ERBB4: variants seen among roughly 807,000 people sequenced by gnomAD.
ERBB4 encodes the protein erb-b2 receptor tyrosine kinase 4.
In ERBB4, 42 loss-of-function variants were observed where a neutral mutation model predicts 158.0. The observed-to-expected ratio is 0.27, with a 90% confidence interval of 0.21 to 0.34. The LOEUF is 0.34. ERBB4 is among the 10% of genes least tolerant of loss of function. ERBB4 has a pLI of 1.00. For synonymous variants in ERBB4, 583 were observed against 558.7 expected (o/e 1.04, Z -0.61); for missense variants, 1,333 against 1,624.1 (o/e 0.82, Z 3.08).
intron 19 of ERBB4, among the ~76,000 whole-genome samples, chr2:211,582,060 G>A (rs149467922): frequency 5.3e-4 from 80 of 152,142 alleles, no homozygotes; most frequent in African/African-American, 1.8e-3. Flanking sequence ...GCCCATTGCT[G>A]TGTTTGCACA....
intron 3 of ERBB4, among the ~76,000 whole-genome samples, chr2:211,793,404 A>G (rs2076318650): frequency 6.6e-6 from 1 of 151,944 alleles, no homozygotes. Context: ...AAAATAATAA[A>G]GATTAGAAAT....
At chr2:211,403,997 T>C (rs2063096682) in intron 25 of ERBB4, among the ~76,000 whole-genome samples, 2 of 152,244 alleles carry the variant, frequency 1.3e-5, no homozygotes, top group South Asian at 2.1e-4. Context: ...GAACCTAGCA[T>C]ACTCAGTTGA....
intron 19 of ERBB4, among the ~76,000 whole-genome samples, chr2:211,580,866 CATAT>C (rs56892079): frequency 1.2e-3 from 77 of 64,090 alleles, no homozygotes; most frequent in Non-Finnish European, 1.5e-3. Flanking sequence ...TATGCATATA[CATAT>C]ATATATATAT....
intron 2 of ERBB4, among the ~76,000 whole-genome samples, chr2:211,976,841 T>C (rs780088477): frequency 2.0e-5 from 3 of 152,154 alleles, no homozygotes. Flanking sequence ...AAATAAATTA[T>C]GTATATATGA....
intron 1 of ERBB4, among the ~76,000 whole-genome samples, chr2:212,309,078 T>G (rs554203614): frequency 6.6e-6 from 1 of 150,884 alleles, no homozygotes. Context: ...CACAGAACAC[T>G]AAATTAGAAG....
intron 20 of ERBB4, among the ~76,000 whole-genome samples, chr2:211,485,836 T>A (rs1574584979): frequency 2.0e-5 from 3 of 150,344 alleles, no homozygotes; most frequent in Middle Eastern, 3.4e-3. Context: ...TGCACATGTA[T>A]CCTAAAACTT....
At chr2:211,697,504 G>C (rs1397248514) in intron 12 of ERBB4, among the ~76,000 whole-genome samples, 3 of 151,924 alleles carry the variant, frequency 2.0e-5, no homozygotes, top group African/African-American at 4.8e-5. Flanking sequence ...CAGTAAGAGA[G>C]GAACTTATTC....
At chr2:211,423,329 C>A (rs190129544) in intron 23 of ERBB4, among the ~76,000 whole-genome samples, 21 of 151,962 alleles carry the variant, frequency 1.4e-4, no homozygotes, top group Non-Finnish European at 2.8e-4. Flanking sequence ...TCTGAGTAGA[C>A]CTGGGTCCAA....
At chr2:211,850,853 C>A (rs376651482) in intron 3 of ERBB4, among the ~76,000 whole-genome samples, 34 of 151,842 alleles carry the variant, frequency 2.2e-4, no homozygotes, top group African/African-American at 7.7e-4. Flanking sequence ...GAAAGATAAT[C>A]TAAAACTAAG....
intron 3 of ERBB4, among the ~76,000 whole-genome samples, chr2:211,888,124 T>C (rs1454520947): frequency 6.6e-6 from 1 of 152,218 alleles, no homozygotes; most frequent in Non-Finnish European, 1.5e-5. Context: ...AGAAGCTTTA[T>C]TTTATAGTCT....
At chr2:211,461,012 C>T in intron 20 of ERBB4, among the ~76,000 whole-genome samples, 1 of 151,808 alleles carries the variant, frequency 6.6e-6, no homozygotes, top group Non-Finnish European at 1.5e-5. Context: ...AGCAATGCTT[C>T]AACCTGGTAT....
In ERBB4 at chr2:211,888,896, C is replaced by G. The variant is rs187067357; in HGVS notation, c.421+58534G>C. On this transcript the variant is annotated intron_variant, in intron 3 of 27. Transcript: ENST00000342788. ...TATCCCACACCTGGCTCGGAGGGTC[C>G]TACGCCCACGGAGTCTCACTGATTG... 9.5e-3 allele frequency among the ~76,000 whole-genome samples: 1,442 copies of G among 151,810 alleles called. 24 individuals are homozygous for G. Among genetic ancestry groups the G allele is most frequent in the African/African-American group, 0.033 (1,365 of 41,232 alleles).
At chr2:212,477,370 T>C (rs1200137141) in intron 1 of ERBB4, among the ~76,000 whole-genome samples, 1 of 152,116 alleles carries the variant, frequency 6.6e-6, no homozygotes, top group Non-Finnish European at 1.5e-5. Flanking sequence ...AGATAAGGAA[T>C]GCGAAAGGAA....
chr2:211,590,318 T>C (rs374054453), intron 19 of ERBB4, among the ~76,000 whole-genome samples: 5 of 152,150 alleles, frequency 3.3e-5, no homozygotes, highest in African/African-American at 1.2e-4. Flanking sequence ...CAGAACAAAC[T>C]TCCTTCTTGC....
intron 3 of ERBB4, among the ~76,000 whole-genome samples, chr2:211,864,442 G>T (rs557043274): frequency 5.9e-5 from 9 of 152,242 alleles, no homozygotes; most frequent in African/African-American, 2.2e-4. Context: ...CTGCATGCTT[G>T]CACAAAAGCT....
At chr2:211,474,066 A>C (rs913672431) in intron 20 of ERBB4, among the ~76,000 whole-genome samples, 4 of 152,014 alleles carry the variant, frequency 2.6e-5, no homozygotes, top group Admixed American at 2.6e-4. Flanking sequence ...ATGGCCAAAA[A>C]CAAAAAAATC....
At chr2:211,903,405 GAAAC>G (rs2079291722) in intron 3 of ERBB4, among the ~76,000 whole-genome samples, 1 of 152,062 alleles carries the variant, frequency 6.6e-6, no homozygotes, top group African/African-American at 2.4e-5. Flanking sequence ...GCATGGAAAA[GAAAC>G]ATCTAAGCAA....
intron 1 of ERBB4, among the ~76,000 whole-genome samples, chr2:212,455,398 T>G (rs918181491): frequency 1.3e-5 from 2 of 152,180 alleles, no homozygotes; most frequent in African/African-American, 4.8e-5. Context: ...CCTCTAGCCC[T>G]GAGTTAGCCA....
At chr2:212,278,091 T>C (rs1262509174) in intron 1 of ERBB4, among the ~76,000 whole-genome samples, 1 of 151,712 alleles carries the variant, frequency 6.6e-6, no homozygotes, top group Admixed American at 6.6e-5. Context: ...TAAATAGAAC[T>C]AGGCTTTTTA....
Sources: allele counts gnomAD v4.1 joint callset (sites outside exome capture counted in the v4.1 genomes callset), GRCh38; gene constraint gnomAD v4.1.1; transcripts MANE v1.5; gene names NCBI Gene and HGNC (gene_info 2026-07-23, HGNC 2026-07-21).